The following PCDHA6 variants were observed in gnomAD, a reference collection of about 807,000 sequenced individuals.
The protein encoded by PCDHA6 is protocadherin alpha 6, also known as protocadherin alpha-6.
PCDHA6 carries 55 observed loss-of-function variants against 60.3 expected under a neutral mutation model. That is an observed-to-expected ratio of 0.91 (90% CI 0.73 to 1.14). The LOEUF (loss-of-function observed/expected upper bound fraction) is 1.14, where lower values mean the gene tolerates loss of function less well. Among genes scored for constraint, PCDHA6 ranks in the 50% most tolerant of loss-of-function variants. The pLI is 0.00. For missense variants in PCDHA6, 1,327 were observed against 1,256.5 expected, an observed-to-expected ratio of 1.06 and a Z score of -0.85; for synonymous variants, 652 against 557.9, an observed-to-expected ratio of 1.17 and a Z score of -2.38.
rs2150236253 is a variant in PCDHA6, at chr5:140,835,458, A to G, written c.2394+4973A>G. 2.8e-5 allele frequency: 45 copies of G among 1,613,760 alleles called. No homozygotes were observed. Among genetic ancestry groups the G allele is most frequent in the East Asian group, 4.5e-5 (2 of 44,842 alleles). ...GACTCTCACTTCCCTGTCTCTCCCT[A>G]TTCCAGAGGACGCCCAACCAGGTAC... On this transcript the variant is annotated intron_variant, in intron 1 of 3. Transcript: ENST00000529310.
In PCDHA6 at chr5:141,011,583, A is replaced by G. The variant is rs2098421115; in HGVS notation, c.*1646A>G. On this transcript the variant is annotated 3_prime_UTR_variant, in exon 4 of 4. Transcript: ENST00000529310. ...AGTAAAATTTCTTTCTTAAATCAAG[A>G]TACTGGTGATTCAAGGAATTTTATT... is the stretch of plus-strand genomic sequence containing the variant. 1 of 153,656 alleles carries G rather than the reference A, an allele frequency of 6.5e-6. No individual in the cohort carries two copies. Among genetic ancestry groups the G allele is most frequent in the Admixed American group, 6.6e-5 (1 of 15,258 alleles). The allele number at this position is 153,656 out of a possible 1,614,324, so 9.5% of individuals were successfully genotyped here.
intron 1 of PCDHA6, chr5:140,926,588 C>A: frequency 3.4e-6 from 1 of 293,528 alleles, no homozygotes; most frequent in Admixed American, 5.0e-5. Context: ...CTCTCGCGCC[C>A]GGGCGGGCGG....
intron 1 of PCDHA6, among the ~76,000 whole-genome samples, chr5:140,974,081 C>T (rs1432185201): frequency 6.6e-6 from 1 of 152,196 alleles, no homozygotes; most frequent in African/African-American, 2.4e-5. Context: ...ATAACCATGA[C>T]TTCAAAAATC....
At chr5:140,877,869 T>G (rs782747532) in intron 1 of PCDHA6, 1 of 1,488,856 alleles carries the variant, frequency 6.7e-7, no homozygotes, top group African/African-American at 1.4e-5. Context: ...TAGATATATT[T>G]GTTTCCTTGA....
intron 1 of PCDHA6, among the ~76,000 whole-genome samples, chr5:140,838,192 C>A (rs1473980507): frequency 1.3e-5 from 2 of 149,554 alleles, no homozygotes; most frequent in Non-Finnish European, 3.0e-5. Flanking sequence ...CAGCTCACTG[C>A]AAAATCCGCC....
intron 1 of PCDHA6, among the ~76,000 whole-genome samples, chr5:140,915,296 A>G (rs556254508): frequency 6.6e-6 from 1 of 152,086 alleles, no homozygotes; most frequent in East Asian, 1.9e-4. Flanking sequence ...TCTACTTAAG[A>G]TAAGTTTACA....
At chr5:140,891,174 T>C (rs147745090) in intron 1 of PCDHA6, among the ~76,000 whole-genome samples, 2,208 of 152,320 alleles carry the variant, frequency 0.014, 24 homozygotes, top group Non-Finnish European at 0.022. Flanking sequence ...TTTTCAGATT[T>C]TCTGTGTGTC....
At chr5:140,848,364 G>T in intron 1 of PCDHA6, 1 of 1,077,714 alleles carries the variant, frequency 9.3e-7, no homozygotes, top group South Asian at 1.6e-5. Flanking sequence ...CCATGGGAAA[G>T]AGGCTCAATT....
At chr5:140,836,794 C>A in intron 1 of PCDHA6, 1 of 1,396,740 alleles carries the variant, frequency 7.2e-7, no homozygotes, top group Non-Finnish European at 9.8e-7. Context: ...TTCAATTGGT[C>A]TCCTTAAATT....
At chr5:140,882,279 C>A (rs1456228410) in intron 1 of PCDHA6, 1 of 1,612,386 alleles carries the variant, frequency 6.2e-7, no homozygotes, top group Non-Finnish European at 8.5e-7. Context: ...ATGCTGTCTT[C>A]CTGGCAAGGA....
At chr5:140,836,032 C>G (rs2150251120) in intron 1 of PCDHA6, 1 of 1,613,416 alleles carries the variant, frequency 6.2e-7, no homozygotes, top group African/African-American at 1.3e-5. Context: ...AGCAACGTGA[C>G]GCTGCAGGTG....
At chr5:141,005,321 A>C (rs1455149994) in intron 3 of PCDHA6, among the ~76,000 whole-genome samples, 1 of 152,182 alleles carries the variant, frequency 6.6e-6, no homozygotes, top group Admixed American at 6.5e-5. Context: ...AGTGGTAGAG[A>C]ATAATAGGCC....
At chr5:140,937,933 A>T (rs1452935525) in intron 1 of PCDHA6, among the ~76,000 whole-genome samples, 1 of 151,854 alleles carries the variant, frequency 6.6e-6, no homozygotes, top group Non-Finnish European at 1.5e-5. Flanking sequence ...AAAAAGTTTA[A>T]TTTGATAATT....
intron 1 of PCDHA6, among the ~76,000 whole-genome samples, chr5:140,910,560 G>A (rs1369178001): frequency 6.6e-6 from 1 of 152,160 alleles, no homozygotes; most frequent in East Asian, 1.9e-4. Flanking sequence ...ATTAGTCAAG[G>A]ATATATTTTC....
At chr5:140,835,645 A>G (rs1554135161) in intron 1 of PCDHA6, 3 of 1,613,728 alleles carry the variant, frequency 1.9e-6, no homozygotes, top group African/African-American at 2.7e-5. Context: ...GTGTCCGCCT[A>G]TGAGCTGGTG....
At chr5:140,871,852 T>A (rs767921370) in intron 1 of PCDHA6, among the ~76,000 whole-genome samples, 12 of 152,354 alleles carry the variant, frequency 7.9e-5, no homozygotes, top group African/African-American at 2.4e-4. Flanking sequence ...ATTATGACCA[T>A]AATAACTATG....
rs1290626143 is a variant in PCDHA6 at position 141,010,228 on chromosome 5, C to G, written c.*291C>G. On this transcript the variant is annotated 3_prime_UTR_variant, in exon 4 of 4. Transcript: ENST00000529310. ...CCGCAAAGGAGAGGCTTCCCAGCCC[C>G]GCCAGTGAGAGGTTGGACTCTCTGC... The G allele has an allele frequency of 1.1e-5, 17 of 1,551,916 alleles. No individual in the cohort carries two copies. Among genetic ancestry groups the G allele is most frequent in the Non-Finnish European group, 1.5e-5 (17 of 1,147,054 alleles).
chr5:140,831,151 A>G (rs1771403401), intron 1 of PCDHA6: 1 of 152,212 alleles, frequency 6.6e-6, no homozygotes, highest in Admixed American at 6.6e-5. Context: ...TTTACTACCG[A>G]TCTAAATAAT....
At chr5:140,936,212 A>C (rs1294255399) in intron 1 of PCDHA6, among the ~76,000 whole-genome samples, 1 of 152,126 alleles carries the variant, frequency 6.6e-6, no homozygotes, top group African/African-American at 2.4e-5. Context: ...TTTTTTATTT[A>C]GTATTCTTTC....
Sources: allele counts gnomAD v4.1 joint callset (sites outside exome capture counted in the v4.1 genomes callset), GRCh38; gene constraint gnomAD v4.1.1; transcripts MANE v1.5; gene names NCBI Gene and HGNC (gene_info 2026-07-23, HGNC 2026-07-21).